TYW1: variants seen among roughly 807,000 people sequenced by gnomAD.
TYW1 encodes tRNA-yW synthesizing protein 1 homolog, also known as S-adenosyl-L-methionine-dependent tRNA 4-demethylwyosine synthase TYW1.
Under a neutral mutation model 96.2 loss-of-function variants are expected in TYW1, and 46 were observed. That is an observed-to-expected ratio of 0.48 (90% CI 0.38 to 0.61). The LOEUF (loss-of-function observed/expected upper bound fraction) is 0.61. Among genes scored for constraint, TYW1 ranks in the 20% least tolerant of loss-of-function variants. The pLI, the probability that TYW1 is intolerant of heterozygous loss-of-function variation, is 0.00. For synonymous variants in TYW1, 274 were observed against 323.0 expected (o/e 0.85, Z 1.63); for missense variants, 684 against 909.6 (o/e 0.75, Z 3.19).
At chr7:67,113,125 T>G (rs1336905436) in intron 12 of TYW1, among the ~76,000 whole-genome samples, 1 of 152,062 alleles carries the variant, frequency 6.6e-6, no homozygotes, top group Non-Finnish European at 1.5e-5. Context: ...AGATCAGCTT[T>G]GACTTTGACC....
chr7:67,099,946 G>T (rs1398976244), intron 12 of TYW1, among the ~76,000 whole-genome samples: 2 of 152,078 alleles, frequency 1.3e-5, no homozygotes, highest in African/African-American at 2.4e-5. Context: ...AGGTTTCAGT[G>T]AGCCGAGATC....
intron 6 of TYW1, among the ~76,000 whole-genome samples, chr7:67,021,895 C>T (rs527394914): frequency 8.5e-5 from 13 of 152,332 alleles, no homozygotes; most frequent in Admixed American, 1.3e-4. Context: ...AGCAAACAGG[C>T]TCACTGGCCA....
At chr7:67,057,464 G>T (rs1795558123) in intron 9 of TYW1, among the ~76,000 whole-genome samples, 1 of 151,932 alleles carries the variant, frequency 6.6e-6, no homozygotes, top group Admixed American at 6.6e-5. Flanking sequence ...CTGGGTTCAA[G>T]TGATTATCAT....
chr7:67,018,088 A>G lies in TYW1; in HGVS notation c.806A>G (p.Glu269Gly), dbSNP rs1794090124. 4.3e-6 allele frequency: 7 copies of G among 1,614,002 alleles called. No homozygotes were observed. Among genetic ancestry groups the G allele is most frequent in the Admixed American group, 1.7e-5 (1 of 59,962 alleles). Reference sequence around the variant, plus strand: ...TGTGAATCTCACCAACATGGCTCAGAGGAGAGGGAGGAAGGATCTCATGAG... The same window carrying G: ...TGTGAATCTCACCAACATGGCTCAGGGGAGAGGGAGGAAGGATCTCATGAG... The part of the protein sequence containing the change: ...GKCESHQHGS[E>G]EREEGSHEQD... The change falls in exon 6 of 16, where the codon GAG (glutamate) becomes GGG (glycine). Residue 269 changes from glutamate to glycine, a missense_variant. Transcript: ENST00000359626.
rs372353680 is a variant in TYW1, at chr7:67,029,912, G to A, written c.984+4890G>A. Among the ~76,000 whole-genome samples the A allele has an allele frequency of 8.6e-5, 13 of 152,046 alleles. No homozygotes were observed. The East Asian group carries it at 1.2e-3, about 14-fold the overall frequency. ...GACAAGGTCTCACCATGTTGCCCAG[G>A]CCGATCTAGGTTGCAGTTTTATTAT... On this transcript the variant is annotated intron_variant, in intron 7 of 15. Coordinates refer to ENST00000359626, the MANE Select transcript of TYW1 (RefSeq NM_018264.4).
chr7:67,169,541 C>T (rs1799454563), intron 13 of TYW1, among the ~76,000 whole-genome samples: 1 of 152,138 alleles, frequency 6.6e-6, no homozygotes, highest in African/African-American at 2.4e-5. Flanking sequence ...GCTGGGACTA[C>T]AGGCACCCTC....
At chr7:67,014,090 T>C (rs569486076) in intron 4 of TYW1, among the ~76,000 whole-genome samples, 12 of 152,162 alleles carry the variant, frequency 7.9e-5, no homozygotes, top group South Asian at 2.1e-4. Context: ...TGTGGCAAAT[T>C]AGCGATGATG....
chr7:67,049,885 T>C, intron 7 of TYW1, 64 bp from the exon 8 acceptor site: 1 of 1,592,952 alleles, frequency 6.3e-7, no homozygotes, highest in Middle Eastern at 1.7e-4. Context: ...GTGTTCATGA[T>C]TGTGCTGTTA....
chr7:67,131,732 T>C (rs1261430391), intron 13 of TYW1, among the ~76,000 whole-genome samples: 1 of 152,136 alleles, frequency 6.6e-6, no homozygotes, highest in Admixed American at 6.6e-5. Context: ...CCGTTCCAAG[T>C]CCCAAAACCT....
chr7:67,229,654 C>CAAA (rs10661232), intron 15 of TYW1, among the ~76,000 whole-genome samples: 10,532 of 151,566 alleles, frequency 0.069, 436 homozygotes, highest in South Asian at 0.1. Flanking sequence ...ATCAAACAAA[C>CAAA]AAAAAAAACA....
chr7:67,115,774 C>T (rs1053328688), intron 12 of TYW1, among the ~76,000 whole-genome samples: 2 of 152,054 alleles, frequency 1.3e-5, no homozygotes, highest in African/African-American at 4.8e-5. Flanking sequence ...AGCACATAAA[C>T]CATTATAAAG....
intron 13 of TYW1, among the ~76,000 whole-genome samples, chr7:67,133,420 C>G (rs569155341): frequency 5.3e-5 from 8 of 151,982 alleles, no homozygotes; most frequent in Admixed American, 3.3e-4. Context: ...TGGGATTGTC[C>G]GGGCACGGTG....
At chr7:67,124,422 G>T (rs55704136) in intron 13 of TYW1, among the ~76,000 whole-genome samples, 1 of 151,612 alleles carries the variant, frequency 6.6e-6, no homozygotes, top group African/African-American at 2.4e-5. Context: ...TTGAGAGATG[G>T]GGTCTTGTTT....
At chr7:67,178,440 A>C (rs2844140) in intron 13 of TYW1, among the ~76,000 whole-genome samples, 9 of 152,372 alleles carry the variant, frequency 5.9e-5, no homozygotes, top group Middle Eastern at 3.4e-3. Context: ...AATGTATGTC[A>C]CAGTAGCATT....
chr7:67,159,570 A>C (rs907920767), intron 13 of TYW1, among the ~76,000 whole-genome samples: 1 of 151,844 alleles, frequency 6.6e-6, no homozygotes, highest in Non-Finnish European at 1.5e-5. Context: ...AGTTCAACTC[A>C]CCAGTATAAC....
At chr7:67,104,617 ACAGTGAGTGGT>A (rs1472937519) in intron 12 of TYW1, among the ~76,000 whole-genome samples, 1 of 152,136 alleles carries the variant, frequency 6.6e-6, no homozygotes, top group Non-Finnish European at 1.5e-5. Flanking sequence ...AGGAGTTTTC[ACAGTGAGTGGT>A]CCACCAGGAC....
chr7:67,133,283 G>A (rs1449935038), intron 13 of TYW1, among the ~76,000 whole-genome samples: 6 of 151,990 alleles, frequency 3.9e-5, no homozygotes, highest in Non-Finnish European at 7.4e-5. Context: ...GACTACAGCC[G>A]TGCACCACCA....
rs559937403 is a variant in TYW1, at chr7:67,065,925, C to T, written c.1156-1360C>T. On this transcript the variant is annotated intron_variant, in intron 9 of 15. Coordinates refer to ENST00000359626, the MANE Select transcript of TYW1 (RefSeq NM_018264.4). ...ACTTGGGAGGCTGAGGCAGGAGAAC[C>T]GCTTGAACTGGGAGGCGGAGGGTGC... Among the ~76,000 whole-genome samples, 16 of 151,538 alleles carry T rather than the reference C, an allele frequency of 1.1e-4. No homozygotes were observed. The South Asian group carries it at 2.1e-3, about 20-fold the overall frequency.
intron 13 of TYW1, among the ~76,000 whole-genome samples, chr7:67,130,021 G>C (rs1208128061): frequency 6.6e-6 from 1 of 151,964 alleles, no homozygotes; most frequent in Non-Finnish European, 1.5e-5. Context: ...TCCATTCCCA[G>C]AAGATACTCT....
Sources: allele counts gnomAD v4.1 joint callset (sites outside exome capture counted in the v4.1 genomes callset), GRCh38; gene constraint gnomAD v4.1.1; transcripts MANE v1.5; gene names NCBI Gene and HGNC (gene_info 2026-07-23, HGNC 2026-07-21).